The following PAK3 variants were observed in gnomAD, a reference collection of about 807,000 sequenced individuals.
PAK3 encodes the protein p21 (RAC1) activated kinase 3, also known as serine/threonine-protein kinase PAK 3.
PAK3 carries 4 observed loss-of-function variants against 41.0 expected under a neutral mutation model. The observed-to-expected ratio is 0.10, with a 90% CI of 0.05 to 0.22. PAK3 has a LOEUF of 0.22. PAK3 is among the 10% of genes least tolerant of loss of function. PAK3 has a pLI of 1.00. For synonymous variants in PAK3, 146 were observed against 139.6 expected (o/e 1.05, Z -0.32); for missense variants, 205 against 409.9 (o/e 0.50, Z 4.32).
intron 4 of PAK3, among the ~76,000 whole-genome samples, chrX:111,112,224 T>C (rs998725005): frequency 9.1e-6 from 1 of 110,303 alleles, no homozygotes; most frequent in African/African-American, 3.3e-5. Context: ...TCTCTATGGA[T>C]CTTATTTTTT....
intron 1 of PAK3, among the ~76,000 whole-genome samples, chrX:111,045,242 A>G (rs1330092461): frequency 8.9e-6 from 1 of 112,520 alleles, no homozygotes; most frequent in Non-Finnish European, 1.9e-5. Flanking sequence ...TTGGATGTCA[A>G]TTTGAACGTG....
chrX:111,211,699 A>G (rs181143550), intron 16 of PAK3, among the ~76,000 whole-genome samples: 21 of 109,567 alleles, frequency 1.9e-4, no homozygotes, highest in African/African-American at 6.7e-4. Context: ...AAAGAAAGAA[A>G]ATGTATGTGT....
Position 111,028,162 on chromosome X carries a change from A to G in PAK3, c.-28+83534A>G, listed in dbSNP as rs1225257482. ...AAGTAACTCAGGAGTGGAAAACCAA[A>G]CATCGTATGTTCTTACTCATATGTG... On this transcript the variant is annotated intron_variant, in intron 1 of 14. Coordinates refer to the PAK3 transcript ENST00000425146. 7.6e-4 allele frequency among the ~76,000 whole-genome samples: 82 copies of G among 107,790 alleles called. 6 individuals are homozygous for G. Among genetic ancestry groups the G allele is most frequent in the Non-Finnish European group, 5.7e-5 (3 of 52,233 alleles). 93.6% of individuals were successfully genotyped at this position (107,790 alleles called of 115,157 possible).
chrX:111,090,265 T>C (rs1394868187), intron 1 of PAK3, among the ~76,000 whole-genome samples: 1 of 111,131 alleles, frequency 9.0e-6, no homozygotes, highest in African/African-American at 3.3e-5. Context: ...TTTGCCTTAG[T>C]CAATTTGGCA....
intron 10 of PAK3, among the ~76,000 whole-genome samples, chrX:111,168,261 T>A (rs2094289005): frequency 8.9e-6 from 1 of 112,123 alleles, no homozygotes; most frequent in African/African-American, 3.2e-5. Context: ...AACCTGCACT[T>A]TAAAATGAAT....
intron 8 of PAK3, among the ~76,000 whole-genome samples, chrX:111,158,376 A>G (rs1439325051): frequency 8.9e-6 from 1 of 112,255 alleles, no homozygotes; most frequent in Non-Finnish European, 1.9e-5. Context: ...TGTTTAATAT[A>G]AGAACATTAA....
At chrX:110,966,194 T>C (rs146470303) in intron 1 of PAK3, among the ~76,000 whole-genome samples, 2,115 of 111,706 alleles carry the variant, frequency 0.019, 58 homozygotes, top group African/African-American at 0.064. Context: ...GAAAGAGTAA[T>C]AGTCTTTCTT....
intron 1 of PAK3, among the ~76,000 whole-genome samples, chrX:111,076,571 A>G (rs770141103): frequency 8.0e-4 from 89 of 111,803 alleles, no homozygotes; most frequent in African/African-American, 2.8e-3. Flanking sequence ...TGCACAGCCT[A>G]TAGAACTGTG....
intron 1 of PAK3, among the ~76,000 whole-genome samples, chrX:111,079,317 C>T (rs780173503): frequency 8.9e-6 from 1 of 112,071 alleles, no homozygotes; most frequent in South Asian, 3.7e-4. Context: ...CTAACGCAAC[C>T]AGTGACTAAG....
intron 1 of PAK3, among the ~76,000 whole-genome samples, chrX:111,067,078 G>A (rs1414054231): frequency 9.0e-6 from 1 of 111,676 alleles, no homozygotes; most frequent in Non-Finnish European, 1.9e-5. Flanking sequence ...GACTACCTCA[G>A]ATTTTTATAT....
At chrX:111,084,695 A>G (rs1232295241) in intron 1 of PAK3, among the ~76,000 whole-genome samples, 1 of 112,217 alleles carries the variant, frequency 8.9e-6, no homozygotes, top group Non-Finnish European at 1.9e-5. Flanking sequence ...GATGCTTCAC[A>G]ACCAGGGAAG....
intron 5 of PAK3, among the ~76,000 whole-genome samples, chrX:111,135,635 G>A (rs1431327909): frequency 9.0e-6 from 1 of 111,341 alleles, no homozygotes; most frequent in Non-Finnish European, 1.9e-5. Flanking sequence ...GAAGGTGGGG[G>A]AAATGTTAGC....
intron 5 of PAK3, among the ~76,000 whole-genome samples, chrX:111,141,722 TA>T (rs2093875343): frequency 1.8e-5 from 2 of 112,221 alleles, no homozygotes; most frequent in African/African-American, 6.5e-5. Flanking sequence ...CTATTCTTTC[TA>T]ATAGTATGCC....
intron 11 of PAK3, among the ~76,000 whole-genome samples, chrX:111,187,508 C>T (rs2094522017): frequency 9.0e-6 from 1 of 111,393 alleles, no homozygotes; most frequent in Non-Finnish European, 1.9e-5. Flanking sequence ...ACTAGTAGTA[C>T]TTGAACCAGG....
At chrX:110,957,969 A>G (rs1466652038) in intron 1 of PAK3, among the ~76,000 whole-genome samples, 1 of 112,150 alleles carries the variant, frequency 8.9e-6, no homozygotes, top group African/African-American at 3.2e-5. Flanking sequence ...TGTAAATTAT[A>G]GTAGTGCTGT....
chrX:110,990,228 T>G (rs1262202065), intron 1 of PAK3, among the ~76,000 whole-genome samples: 1 of 111,858 alleles, frequency 8.9e-6, no homozygotes, highest in Non-Finnish European at 1.9e-5. Context: ...ATAAGATCTG[T>G]CTCTCTTGTG....
intron 10 of PAK3, among the ~76,000 whole-genome samples, chrX:111,168,928 G>A (rs1017708899): frequency 9.0e-6 from 1 of 111,264 alleles, no homozygotes; most frequent in African/African-American, 3.3e-5. Flanking sequence ...ATTTGAATAA[G>A]GATGGCTCTC....
chrX:111,203,181 A>G (rs1238797834), intron 16 of PAK3, among the ~76,000 whole-genome samples: 1 of 111,675 alleles, frequency 9.0e-6, no homozygotes, highest in Non-Finnish European at 1.9e-5. Context: ...CCCTCTTTGA[A>G]CATGGTCGTC....
chrX:111,112,931 A>G (rs1290985120), intron 4 of PAK3, among the ~76,000 whole-genome samples: 3 of 111,769 alleles, frequency 2.7e-5, no homozygotes, highest in African/African-American at 9.8e-5. Flanking sequence ...AGTTCTAAAA[A>G]TGCTTTTAGG....
Sources: gnomAD v4.1 joint callset for allele counts (sites outside exome capture counted in the v4.1 genomes callset) on GRCh38, gnomAD v4.1.1 for gene constraint, MANE v1.5 for transcripts, NCBI Gene and HGNC (gene_info 2026-07-23, HGNC 2026-07-21) for gene names.